TUT4: variants seen among roughly 807,000 people sequenced by gnomAD.
The protein encoded by TUT4 is terminal uridylyl transferase 4, also known as terminal uridylyltransferase 4.
TUT4 carries 36 observed loss-of-function variants against 192.2 expected under a neutral mutation model. The ratio of observed to expected loss-of-function variants is 0.19; its 90% CI spans 0.14 to 0.25. TUT4 has a LOEUF of 0.25. Ranked by LOEUF, TUT4 falls within the 10% of genes least tolerant of loss-of-function variation. The pLI is 1.00. For synonymous variants in TUT4, 618 were observed against 666.0 expected, an observed-to-expected ratio of 0.93 and a Z score of 1.11; for missense variants, 1,493 against 1,957.2, an observed-to-expected ratio of 0.76 and a Z score of 4.47.
At chr1:52,466,318 G>A (rs1156526918) in intron 15 of TUT4, among the ~76,000 whole-genome samples, 1 of 152,010 alleles carries the variant, frequency 6.6e-6, no homozygotes, top group East Asian at 1.9e-4. Flanking sequence ...GGGCAACATG[G>A]TGAGACTTTG....
At chr1:52,443,296 A>T (rs184146605) in intron 24 of TUT4, among the ~76,000 whole-genome samples, 1,984 of 118,294 alleles carry the variant, frequency 0.017, 44 homozygotes, top group African/African-American at 0.067. Context: ...AAAAAAAATT[A>T]AAAAAAAAAA....
intron 3 of TUT4, 39 bp from the exon 4 acceptor site, chr1:52,509,751 A>C: frequency 8.7e-7 from 1 of 1,154,658 alleles, no homozygotes; most frequent in South Asian, 1.2e-5. Flanking sequence ...TTATTCAGAA[A>C]ACAGAGGAGT....
At chr1:52,424,150 G>A (rs139770093) in intron 29 of TUT4, 148 bp from the exon 30 acceptor site, 6 of 732,300 alleles carry the variant, frequency 8.2e-6, no homozygotes, top group Non-Finnish European at 1.3e-5. Context: ...GAGAGGGTGG[G>A]GAGAAAAATG....
intron 5 of TUT4, 62 bp downstream of exon 5, chr1:52,496,944 T>C (rs1672598424): frequency 2.7e-6 from 4 of 1,498,592 alleles, no homozygotes; most frequent in Non-Finnish European, 3.7e-6. Flanking sequence ...TGTACTCTAG[T>C]TCAAGAGGAG....
At chr1:52,458,231 C>A (rs561182424) in intron 20 of TUT4, 105 bp downstream of exon 20, 2 of 685,808 alleles carry the variant, frequency 2.9e-6, no homozygotes, top group South Asian at 5.7e-5. Flanking sequence ...TTAGGACAAC[C>A]ATGATGGAAA....
At chr1:52,506,867 G>A (rs957623120) in intron 4 of TUT4, among the ~76,000 whole-genome samples, 7 of 152,100 alleles carry the variant, frequency 4.6e-5, no homozygotes, top group South Asian at 4.1e-4. Context: ...TACATTATGT[G>A]AACTTTTTTC....
At chr1:52,498,550 C>T (rs1276077268) in intron 4 of TUT4, among the ~76,000 whole-genome samples, 1 of 151,750 alleles carries the variant, frequency 6.6e-6, no homozygotes, top group African/African-American at 2.4e-5. Context: ...GGCCGTTTCA[C>T]TTAGGATCCA....
In TUT4 at chr1:52,446,386, C is replaced by T. The variant is rs568234708; in HGVS notation, c.3570G>A (p.Leu1190=). 3 of 1,613,336 alleles carry T rather than the reference C, an allele frequency of 1.9e-6. No individual in the cohort carries two copies. In the African/African-American group the frequency reaches 4.0e-5, roughly 22 times the overall value. The change falls in exon 22 of 30, where the codon CTG becomes CTA. Residue 1190 remains leucine, a synonymous_variant. Transcript: ENST00000257177. ...CTTCAGTATAGAAACGAAGCAGTCC[C>T]AGCCAAAGCTCCCCTAATGATTCTG... ...KNTESLGELW[L]GLLRFYTEEF...
chr1:52,486,170 A>T (rs1669735479), intron 9 of TUT4, among the ~76,000 whole-genome samples: 2 of 152,164 alleles, frequency 1.3e-5, no homozygotes. Context: ...ATTACCAGAC[A>T]TCTCACAGAT....
Position 52,542,023 on chromosome 1 carries a change from T to C in TUT4, c.-94+10908A>G, listed in dbSNP as rs976301273. On this transcript the variant is annotated intron_variant, in intron 1 of 29. Coordinates refer to ENST00000257177, the MANE Select transcript of TUT4 (RefSeq NM_001009881.3). ...GAACTACTACTCTGCCTTAAAAAGG[T>C]AGACAATTCTGACACATGCTATGAC... is the stretch of plus-strand genomic sequence containing the variant. Among the ~76,000 whole-genome samples, 6 of 152,278 alleles carry C rather than the reference T, an allele frequency of 3.9e-5. No homozygotes were observed. In the East Asian group the frequency reaches 7.7e-4, roughly 20 times the overall value.
At chr1:52,545,023 C>A (rs1687694894) in intron 1 of TUT4, among the ~76,000 whole-genome samples, 3 of 150,200 alleles carry the variant, frequency 2.0e-5, no homozygotes, top group African/African-American at 7.4e-5. Flanking sequence ...CGCCACTGCA[C>A]CCCAGCCTAG....
chr1:52,477,781 G>T lies in TUT4; in HGVS notation c.1950C>A (p.Val650=). 6.2e-7 allele frequency: 1 copy of T among 1,613,840 alleles called. No homozygotes were observed. The highest frequency in any genetic ancestry group is 1.1e-5 in the South Asian group (1 of 91,050). ...AAATATCTTGTATCCGTACACATAT[G>T]ACATATTCCTCCAAAGCAAAATCCA... ...YTLDFALEEY[V]ICVRIQDILT... is the part of the protein sequence containing the mutation. Residue 650 remains valine, a synonymous_variant, in exon 12 of 30, where the codon GTC becomes GTA. Coordinates refer to ENST00000257177, the MANE Select transcript of TUT4 (RefSeq NM_001009881.3).
intron 28 of TUT4, among the ~76,000 whole-genome samples, chr1:52,430,128 G>A (rs2148127963): frequency 6.6e-6 from 1 of 151,804 alleles, no homozygotes; most frequent in East Asian, 1.9e-4. Context: ...ACTCTATAAT[G>A]AACATTTATT....
chr1:52,452,085 A>G (rs948168957), intron 20 of TUT4, among the ~76,000 whole-genome samples: 8 of 151,700 alleles, frequency 5.3e-5, no homozygotes, highest in Non-Finnish European at 7.4e-5. Flanking sequence ...CAGAAGCAGA[A>G]GGAACACTTC....
intron 20 of TUT4, 89 bp downstream of exon 20, chr1:52,458,247 T>C (rs1661520765): frequency 3.6e-6 from 3 of 824,238 alleles, no homozygotes; most frequent in Non-Finnish European, 3.8e-6. Flanking sequence ...GGAAAAATCC[T>C]TCATGATGAC....
At chr1:52,455,607 TAAAA>T (rs34934935) in intron 20 of TUT4, among the ~76,000 whole-genome samples, 4 of 40,560 alleles carry the variant, frequency 9.9e-5, no homozygotes, top group Non-Finnish European at 1.2e-4. Flanking sequence ...ACGCTACCTT[TAAAA>T]AAAAAAAAAA....
At chr1:52,513,390 T>A (rs1677789369) in intron 3 of TUT4, among the ~76,000 whole-genome samples, 3 of 76,642 alleles carry the variant, frequency 3.9e-5, no homozygotes, top group Admixed American at 1.4e-4. Flanking sequence ...TGAGACCCTG[T>A]CTCAAAAAAA....
At chr1:52,508,168 T>A (rs1245995692) in intron 4 of TUT4, among the ~76,000 whole-genome samples, 1 of 151,606 alleles carries the variant, frequency 6.6e-6, no homozygotes, top group African/African-American at 2.4e-5. Flanking sequence ...CCCGTCTCTA[T>A]TAAAAATACA....
chr1:52,545,501 C>G (rs1370762150), intron 1 of TUT4, among the ~76,000 whole-genome samples: 3 of 151,886 alleles, frequency 2.0e-5, no homozygotes, highest in African/African-American at 7.3e-5. Flanking sequence ...AAAAAATGAC[C>G]TGATTTGAAA....
Sources: gnomAD v4.1 joint callset for allele counts (sites outside exome capture counted in the v4.1 genomes callset) on GRCh38, gnomAD v4.1.1 for gene constraint, MANE v1.5 for transcripts, NCBI Gene and HGNC (gene_info 2026-07-23, HGNC 2026-07-21) for gene names.